Variants in RGS8 observed in about 807,000 individuals in gnomAD.
RGS8 encodes the protein regulator of G-protein signaling 8.
Under a neutral mutation model 21.7 loss-of-function variants are expected in RGS8, and 8 were observed. The observed-to-expected ratio is 0.37, with a 90% CI of 0.22 to 0.66. The LOEUF (loss-of-function observed/expected upper bound fraction) is 0.66, where lower values mean the gene tolerates loss of function less well. Among genes scored for constraint, RGS8 ranks in the 30% least tolerant of loss-of-function variants. The probability of loss-of-function intolerance (pLI) is 0.59; values close to 1 mark genes in which losing one functional copy is unlikely to be tolerated. For synonymous variants in RGS8, 80 were observed against 83.6 expected, an observed-to-expected ratio of 0.96 and a Z score of 0.24; for missense variants, 157 against 217.9, an observed-to-expected ratio of 0.72 and a Z score of 1.76.
At chr1:182,726,611 G>C in the RGS8 span, among the ~76,000 whole-genome samples, 1 of 151,758 alleles carries the variant, frequency 6.6e-6, no homozygotes, top group East Asian at 1.9e-4. Context: ...CAGAGGTTGT[G>C]GTGAGCCAAG....
chr1:182,664,934 A>C lies in RGS8; in HGVS notation c.193+1035T>G, dbSNP rs1663779572. ...TGAAAGCAAAATCACTTCTAAAGAC[A>C]TCCAAGACTGAGAGTTTCTGTCAAG... On this transcript the variant is annotated intron_variant, in intron 5 of 6. Coordinates refer to ENST00000483095, the Ensembl canonical transcript of RGS8. Among the ~76,000 whole-genome samples the C allele has an allele frequency of 2.0e-5, 3 of 152,362 alleles. No individual in the cohort carries two copies. The South Asian group carries it at 6.2e-4, about 32-fold the overall frequency.
chr1:182,689,222 ATCTC>A (rs138588158), upstream of RGS8, among the ~76,000 whole-genome samples: 59 of 145,736 alleles, frequency 4.0e-4, no homozygotes, highest in Admixed American at 2.3e-3. Flanking sequence ...CCCTAACAGC[ATCTC>A]TCTCTCTCTC....
chr1:182,707,748 C>T, the RGS8 span, among the ~76,000 whole-genome samples: 2 of 152,092 alleles, frequency 1.3e-5, no homozygotes, highest in South Asian at 2.1e-4. Context: ...GCTCTGTCGC[C>T]CAGGCTGGAG....
Position 182,664,846 on chromosome 1 carries a change from A to G in RGS8, c.193+1123T>C, listed in dbSNP as rs577835365. The stretch of plus-strand genomic sequence containing the variant: ...TGCATTTCATTCTAAAATCTATTCA[A>G]ACGTATTTATTAATTAGTTTATCCA... On this transcript the variant is annotated intron_variant, in intron 5 of 6. Coordinates refer to ENST00000483095, the Ensembl canonical transcript of RGS8. Among the ~76,000 whole-genome samples the G allele has an allele frequency of 8.5e-4, 129 of 152,344 alleles. No individual in the cohort carries two copies. In the Middle Eastern group the frequency reaches 0.01, roughly 12 times the overall value.
chr1:182,720,841 C>A, the RGS8 span, among the ~76,000 whole-genome samples: 1 of 148,594 alleles, frequency 6.7e-6, no homozygotes, highest in African/African-American at 2.5e-5. Flanking sequence ...ACATATATAT[C>A]TGTGTGTATA....
chr1:182,652,459 T>C (rs1345904584), intron 5 of RGS8, among the ~76,000 whole-genome samples: 4 of 152,214 alleles, frequency 2.6e-5, no homozygotes, highest in Non-Finnish European at 4.4e-5. Context: ...TTACTTCTCA[T>C]CTTACAGATG....
At chr1:182,659,172 T>G (rs1368099738) in intron 5 of RGS8, among the ~76,000 whole-genome samples, 1 of 152,200 alleles carries the variant, frequency 6.6e-6, no homozygotes, top group Non-Finnish European at 1.5e-5. Context: ...TCTTAGGATG[T>G]GATAGCAGAA....
chr1:182,734,375 T>C, the RGS8 span: 1 of 152,198 alleles, frequency 6.6e-6, no homozygotes, highest in African/African-American at 2.4e-5. Context: ...GCATAGTGCA[T>C]AGTAGCAGCA....
the RGS8 span, among the ~76,000 whole-genome samples, chr1:182,718,089 T>C: frequency 1.8e-4 from 27 of 152,302 alleles, no homozygotes; most frequent in African/African-American, 6.0e-4. Flanking sequence ...AGTTTAAGCA[T>C]GACCAAGGGT....
At chr1:182,722,065 G>C in the RGS8 span, among the ~76,000 whole-genome samples, 1 of 152,150 alleles carries the variant, frequency 6.6e-6, no homozygotes, top group African/African-American at 2.4e-5. Context: ...CACAGGTTCT[G>C]TGTATGAAGC....
the RGS8 span, among the ~76,000 whole-genome samples, chr1:182,730,845 T>C: frequency 6.6e-6 from 1 of 152,202 alleles, no homozygotes; most frequent in Admixed American, 6.5e-5. Context: ...CCAGTCTCAT[T>C]CCCGGAAATT....
the RGS8 span, among the ~76,000 whole-genome samples, chr1:182,730,095 T>C: frequency 6.6e-6 from 1 of 152,170 alleles, no homozygotes; most frequent in Non-Finnish European, 1.5e-5. Context: ...AAATGGCAAG[T>C]CCAAGAAGTT....
intron 5 of RGS8, among the ~76,000 whole-genome samples, chr1:182,658,818 G>A (rs1413067229): frequency 1.3e-5 from 2 of 152,196 alleles, no homozygotes; most frequent in Non-Finnish European, 2.9e-5. Flanking sequence ...CTGCACTCCA[G>A]CCCCGGCAAC....
chr1:182,662,565 A>C (rs1663643987), intron 5 of RGS8, among the ~76,000 whole-genome samples: 1 of 152,248 alleles, frequency 6.6e-6, no homozygotes, highest in Admixed American at 6.5e-5. Context: ...ATTGTCCAAA[A>C]GCATGTTCCC....
chr1:182,689,882 T>C, the RGS8 span, among the ~76,000 whole-genome samples: 9 of 152,246 alleles, frequency 5.9e-5, no homozygotes. Flanking sequence ...AATCTTGTGA[T>C]ATCTCAAGGT....
chr1:182,719,152 C>A, the RGS8 span, among the ~76,000 whole-genome samples: 1 of 152,192 alleles, frequency 6.6e-6, no homozygotes, highest in South Asian at 2.1e-4. Flanking sequence ...AGTCCCATGC[C>A]TTCTCTATGC....
the RGS8 span, among the ~76,000 whole-genome samples, chr1:182,751,627 CAACTT>C: frequency 0.36 from 55,226 of 151,480 alleles, 10,323 homozygotes; most frequent in Non-Finnish European, 0.41. Flanking sequence ...TTCTAACCAA[CAACTT>C]AAGATCAATG....
chr1:182,726,065 GTACTTC>G, the RGS8 span, among the ~76,000 whole-genome samples: 3 of 152,116 alleles, frequency 2.0e-5, no homozygotes, highest in South Asian at 6.2e-4. Context: ...TCTGGGCCCA[GTACTTC>G]TACTCAGTGG....
the RGS8 span, among the ~76,000 whole-genome samples, chr1:182,749,690 T>C: frequency 3.2e-3 from 489 of 152,336 alleles, 4 homozygotes; most frequent in Non-Finnish European, 4.1e-3. Flanking sequence ...TTCTGATGGG[T>C]GACTGAGGAC....
Sources: gnomAD v4.1 joint callset for allele counts (sites outside exome capture counted in the v4.1 genomes callset) on GRCh38, gnomAD v4.1.1 for gene constraint, MANE v1.5 for transcripts, NCBI Gene and HGNC (gene_info 2026-07-23, HGNC 2026-07-21) for gene names.